TNNT1: variants seen among roughly 807,000 people sequenced by gnomAD.
TNNT1 encodes troponin T1, slow skeletal type.
A neutral mutation model predicts 50.6 loss-of-function variants in TNNT1; 53 were observed. The ratio of observed to expected loss-of-function variants is 1.05; its 90% CI spans 0.84 to 1.32. TNNT1 has a LOEUF of 1.32. TNNT1 is among the 40% of genes most tolerant of loss of function. The pLI, the probability that TNNT1 is intolerant of heterozygous loss-of-function variation, is 0.00. For synonymous variants in TNNT1, 142 were observed against 138.0 expected (o/e 1.03, Z -0.20); for missense variants, 348 against 381.7 (o/e 0.91, Z 0.74).
intron 12 of TNNT1, 33 bp downstream of exon 12, chr19:55,134,033 C>G: frequency 3.7e-6 from 6 of 1,612,584 alleles, no homozygotes; most frequent in Non-Finnish European, 4.2e-6. Flanking sequence ...GCCCTGCCCT[C>G]TCTCCCTCCC....
chr19:55,140,439 C>T (rs2085429298), intron 9 of TNNT1, among the ~76,000 whole-genome samples: 1 of 152,142 alleles, frequency 6.6e-6, no homozygotes, highest in South Asian at 2.1e-4. Flanking sequence ...CACTGCACTT[C>T]AGCCTGGGTG....
At chr19:55,146,793 C>T in intron 3 of TNNT1, 86 bp from the exon 4 acceptor site, 1 of 1,211,242 alleles carries the variant, frequency 8.3e-7, no homozygotes, top group Non-Finnish European at 1.1e-6. Flanking sequence ...CCAGTCTCTG[C>T]TGGACGGGGG....
At chr19:55,135,010 A>C (rs1310037629) in intron 11 of TNNT1, among the ~76,000 whole-genome samples, 1 of 152,028 alleles carries the variant, frequency 6.6e-6, no homozygotes, top group African/African-American at 2.4e-5. Context: ...TATGGAAATA[A>C]AACTGTGGAA....
In TNNT1 at chr19:55,147,020, C is replaced by G. The variant is rs748000993; in HGVS notation, c.34G>C (p.Glu12Gln). Residue 12 changes from glutamate (E) to glutamine (Q), a missense_variant and splice_region_variant, in exon 3 of 14, where the codon GAG becomes CAG. Transcript: ENST00000588981. ...ACTCCCTACTCACCTTCCGGCTGCT[C>G]CCTGCGGACGGGTGTGGGGAGAGAG... is the stretch of plus-strand genomic sequence containing the variant. Reference protein sequence around the residue: ...SDTEEQEYEEEQPEEEAAEEE... With the variant: ...SDTEEQEYEEQQPEEEAAEEE... 8 of 1,611,480 alleles carry G rather than the reference C, an allele frequency of 5.0e-6. No homozygotes were observed. The Middle Eastern group carries it at 5.1e-4, about 103-fold the overall frequency.
rs1419291714 is a variant in TNNT1 at position 55,133,966 on chromosome 19, G to A, written c.751-39C>T. 2.7e-6 allele frequency: 4 copies of A among 1,482,656 alleles called. No individual in the cohort carries two copies. The Admixed American group carries it at 6.5e-5, about 24-fold the overall frequency. The allele number at this position is 1,482,656 out of a possible 1,614,324, so 91.8% of individuals were successfully genotyped here. A position where few individuals can be genotyped will look rare whatever the true frequency, so the allele number is the denominator to read the frequency against. On this transcript the variant is annotated intron_variant, in intron 12 of 13. Transcript: ENST00000588981. The stretch of plus-strand genomic sequence containing the variant: ...AGACAGATGCTGGGACAGCCGGTGG[G>A]GACGTGGGGACGGGCCACCCACCCC...
chr19:55,146,849 A>G, intron 3 of TNNT1, 142 bp from the exon 4 acceptor site: 2 of 1,207,878 alleles, frequency 1.7e-6, no homozygotes, highest in Non-Finnish European at 2.3e-6. Flanking sequence ...CTGGCGGTGC[A>G]GGGATGGCGC....
chr19:55,148,108 A>C (rs2085614390), intron 1 of TNNT1: 1 of 152,218 alleles, frequency 6.6e-6, no homozygotes, highest in Non-Finnish European at 1.5e-5. Flanking sequence ...TCCAGTTGGG[A>C]TTAGGAAGAG....
At chr19:55,139,985 C>T (rs541083847) in intron 9 of TNNT1, among the ~76,000 whole-genome samples, 2 of 149,556 alleles carry the variant, frequency 1.3e-5, no homozygotes, top group South Asian at 4.3e-4. Flanking sequence ...TTAGCCGAGC[C>T]TGGTGGCAGG....
Position 55,146,462 on chromosome 19 carries a change from G to A in TNNT1, c.78C>T (p.Pro26=). ...EEAAEEEEEA[P]EEPEPVAEPE... ...GCTCTGCCACCGGCTCCGGCTCTTCGGGGGCTGGGGAGGGGAGGGAGGAGC... is the reference window on the plus strand; with the variant it reads ...GCTCTGCCACCGGCTCCGGCTCTTCAGGGGCTGGGGAGGGGAGGGAGGAGC... The change falls in exon 5 of 14, where the codon CCC becomes CCT. Residue 26 remains proline, a synonymous_variant. Coordinates refer to ENST00000588981, the MANE Select transcript of TNNT1 (RefSeq NM_003283.6). The A allele has an allele frequency of 3.6e-6, 5 of 1,372,460 alleles. No individual in the cohort carries two copies. The highest frequency in any genetic ancestry group is 3.8e-6 in the Non-Finnish European group (4 of 1,054,344). 85.0% of individuals were successfully genotyped at this position (1,372,460 alleles called of 1,614,324 possible).
At chr19:55,146,603 TCCC>T in intron 4 of TNNT1, 75 bp downstream of exon 4, 5 of 1,118,372 alleles carry the variant, frequency 4.5e-6, no homozygotes, top group Non-Finnish European at 6.1e-6. Context: ...GGGAGCCCCA[TCCC>T]GCCCCCTCCT....
At chr19:55,143,887 G>A (rs967597007) in intron 6 of TNNT1, among the ~76,000 whole-genome samples, 2 of 152,018 alleles carry the variant, frequency 1.3e-5, no homozygotes, top group African/African-American at 2.4e-5. Flanking sequence ...CACACATGAC[G>A]TCCTGATGGA....
chr19:55,142,404 A>T (rs1037614420), intron 6 of TNNT1, among the ~76,000 whole-genome samples: 2 of 152,000 alleles, frequency 1.3e-5, no homozygotes, highest in African/African-American at 4.8e-5. Flanking sequence ...CACAGGTGTG[A>T]GCCACCGCGC....
intron 6 of TNNT1, among the ~76,000 whole-genome samples, chr19:55,144,072 C>CCCCT (rs1415495612): frequency 2.4e-4 from 30 of 124,048 alleles, no homozygotes; most frequent in South Asian, 2.8e-4. Context: ...ACCCCACCCC[C>CCCCT]TTTTTTTTTT....
At chr19:55,149,079 C>G (rs931826249) in intron 1 of TNNT1, 82 bp downstream of exon 1, 2 of 451,478 alleles carry the variant, frequency 4.4e-6, no homozygotes, top group Admixed American at 2.4e-5. Context: ...TCTCCACACC[C>G]GACATCTTCC....
At chr19:55,142,980 A>G (rs1408442902) in intron 6 of TNNT1, among the ~76,000 whole-genome samples, 2 of 151,510 alleles carry the variant, frequency 1.3e-5, no homozygotes, top group Non-Finnish European at 2.9e-5. Context: ...CTTGGGCATC[A>G]TGGTGAAACC....
chr19:55,133,956 C>T, intron 12 of TNNT1, 29 bp from the exon 13 acceptor site: 1 of 1,608,510 alleles, frequency 6.2e-7, no homozygotes, highest in Non-Finnish European at 8.5e-7. Context: ...GATGCTGGGA[C>T]AGCCGGTGGG....
chr19:55,132,838 G>T lies in TNNT1; in HGVS notation c.*77C>A. On this transcript the variant is annotated 3_prime_UTR_variant, in exon 14 of 14. Transcript: ENST00000588981. ...ATCAGAGAACCCAGCGGGTGTCTGA[G>T]GGGAGCGTTTATTTCAAGCTACCGA... 7 of 1,390,596 alleles carry T rather than the reference G, an allele frequency of 5.0e-6. No homozygotes were observed. The highest frequency in any genetic ancestry group is 7.0e-6 in the Non-Finnish European group (7 of 999,146). 86.1% of individuals were successfully genotyped at this position (1,390,596 alleles called of 1,614,324 possible).
intron 1 of TNNT1, among the ~76,000 whole-genome samples, chr19:55,148,778 AC>A (rs368151287): frequency 9.3e-5 from 14 of 149,890 alleles, no homozygotes; most frequent in South Asian, 2.1e-4. Flanking sequence ...TTCTTCTGAG[AC>A]CCCCCCAATT....
chr19:55,146,859 C>T, intron 3 of TNNT1, 149 bp downstream of exon 3: 2 of 1,239,422 alleles, frequency 1.6e-6, no homozygotes, highest in Non-Finnish European at 2.2e-6. Context: ...AGGGATGGCG[C>T]GAGGAGACGC....
Sources: gnomAD v4.1 joint callset for allele counts (sites outside exome capture counted in the v4.1 genomes callset) on GRCh38, gnomAD v4.1.1 for gene constraint, MANE v1.5 for transcripts, NCBI Gene and HGNC (gene_info 2026-07-23, HGNC 2026-07-21) for gene names.